The following CDIN1 variants were observed in gnomAD, a reference collection of about 807,000 sequenced individuals.
CDIN1 encodes the protein CDAN1-interacting nuclease 1.
A neutral mutation model predicts 45.3 loss-of-function variants in CDIN1; 33 were observed. The observed-to-expected ratio is 0.73, with a 90% CI of 0.55 to 0.97. The LOEUF (loss-of-function observed/expected upper bound fraction) is 0.97. Ranked by LOEUF, CDIN1 falls within the 50% of genes least tolerant of loss-of-function variation. CDIN1 has a pLI of 0.00. For synonymous variants in CDIN1, 118 were observed against 124.4 expected, an observed-to-expected ratio of 0.95 and a Z score of 0.34; for missense variants, 303 against 339.4, an observed-to-expected ratio of 0.89 and a Z score of 0.84.
chr15:36,643,511 C>T (rs1566859979), intron 1 of CDIN1, among the ~76,000 whole-genome samples: 1 of 152,176 alleles, frequency 6.6e-6, no homozygotes, highest in Non-Finnish European at 1.5e-5. Context: ...CTGTAAAGGA[C>T]AGTCGAAAAG....
At chr15:36,779,319 C>G (rs7177600) in intron 10 of CDIN1, among the ~76,000 whole-genome samples, 25,017 of 152,190 alleles carry the variant, frequency 0.16, 3,677 homozygotes, top group African/African-American at 0.4. Flanking sequence ...TATTCTCTTA[C>G]AAACATGGCA....
chr15:36,687,136 T>C (rs781622666), intron 5 of CDIN1, among the ~76,000 whole-genome samples: 21 of 151,202 alleles, frequency 1.4e-4, no homozygotes, highest in Admixed American at 9.9e-4. Flanking sequence ...AACTAGAAGG[T>C]AGGGAGAAAA....
intron 1 of CDIN1, among the ~76,000 whole-genome samples, chr15:36,625,277 T>C (rs2039372562): frequency 6.7e-6 from 1 of 150,112 alleles, no homozygotes; most frequent in African/African-American, 2.5e-5. Flanking sequence ...CGAGACCCTG[T>C]CTCAAAAAAA....
intron 5 of CDIN1, among the ~76,000 whole-genome samples, chr15:36,672,185 C>A (rs2041476365): frequency 6.6e-6 from 1 of 151,634 alleles, no homozygotes; most frequent in African/African-American, 2.4e-5. Context: ...GTTTTTTGTA[C>A]TGTTTCTTTT....
chr15:36,674,195 A>C (rs1197020424), intron 5 of CDIN1, among the ~76,000 whole-genome samples: 1 of 152,178 alleles, frequency 6.6e-6, no homozygotes. Context: ...GTGTTTGCGC[A>C]GGACGGCGAA....
chr15:36,736,924 T>C (rs2044043841), intron 10 of CDIN1, among the ~76,000 whole-genome samples: 1 of 152,100 alleles, frequency 6.6e-6, no homozygotes, highest in South Asian at 2.1e-4. Flanking sequence ...CCCAGCACTT[T>C]GGGAGGCTGA....
chr15:36,710,754 A>G (rs2043028869), intron 10 of CDIN1, among the ~76,000 whole-genome samples: 1 of 152,198 alleles, frequency 6.6e-6, no homozygotes, highest in South Asian at 2.1e-4. Context: ...TAAGAATACA[A>G]TAATAAAATG....
chr15:36,639,289 C>T (rs2040015397), intron 1 of CDIN1, among the ~76,000 whole-genome samples: 1 of 152,056 alleles, frequency 6.6e-6, no homozygotes, highest in Admixed American at 6.5e-5. Context: ...AAAAGTAACA[C>T]TACAACAACA....
intron 5 of CDIN1, among the ~76,000 whole-genome samples, chr15:36,686,572 A>G (rs895699318): frequency 8.6e-5 from 13 of 151,378 alleles, no homozygotes; most frequent in African/African-American, 2.7e-4. Context: ...TAAAAAAAAA[A>G]AAAAAGAAAA....
chr15:36,722,499 T>C (rs761453094), intron 10 of CDIN1, among the ~76,000 whole-genome samples: 1 of 152,216 alleles, frequency 6.6e-6, no homozygotes, highest in Non-Finnish European at 1.5e-5. Flanking sequence ...CTTTCTTTGG[T>C]TATCTACTGG....
At chr15:36,621,593 A>G (rs2039194734) in intron 1 of CDIN1, among the ~76,000 whole-genome samples, 1 of 152,224 alleles carries the variant, frequency 6.6e-6, no homozygotes, top group South Asian at 2.1e-4. Flanking sequence ...AAATGTATTA[A>G]TCATTGACTA....
At chr15:36,770,282 G>A (rs948319883) in intron 10 of CDIN1, among the ~76,000 whole-genome samples, 3 of 151,782 alleles carry the variant, frequency 2.0e-5, no homozygotes, top group African/African-American at 7.3e-5. Context: ...AGGAAAAAAA[G>A]GGGAGGGAGC....
At chr15:36,774,157 T>TGC (rs2054152321) in intron 10 of CDIN1, among the ~76,000 whole-genome samples, 2 of 104,570 alleles carry the variant, frequency 1.9e-5, no homozygotes, top group African/African-American at 3.0e-5. Context: ...TGTGTGTGTG[T>TGC]GTGTGTGCGC....
chr15:36,654,152 C>T lies in CDIN1; in HGVS notation c.267C>T (p.Ala89=). ...NGAAPVLLDL[A]NEVDYAPSLM... is the part of the protein sequence containing the mutation. ...CTGCCCCAGTGCTCCTGGACCTGGC[C>T]AATGAGGTAATGTTATTGTTATGAT... Residue 89 remains alanine, a synonymous_variant, in exon 4 of 11, where the codon GCC becomes GCT. Coordinates refer to ENST00000566621, the MANE Select transcript of CDIN1 (RefSeq NM_001321759.2). The T allele has an allele frequency of 6.4e-7, 1 of 1,569,390 alleles. No homozygotes were observed. The highest frequency in any genetic ancestry group is 8.7e-7 in the Non-Finnish European group (1 of 1,154,928).
chr15:36,618,459 A>G (rs770831175), intron 1 of CDIN1: 42 of 949,058 alleles, frequency 4.4e-5, no homozygotes, highest in Admixed American at 6.8e-5. Flanking sequence ...ACAAGATGTC[A>G]ATCTCAAGAC....
intron 4 of CDIN1, 85 bp from the exon 5 acceptor site, chr15:36,657,747 CT>C (rs1309987479): frequency 9.7e-7 from 1 of 1,028,034 alleles, no homozygotes; most frequent in East Asian, 2.6e-5. Flanking sequence ...TTAAAATTGA[CT>C]TATTCTTCAG....
chr15:36,703,219 A>AATATATATATCAGATATATATAT (rs1555397223), intron 8 of CDIN1, among the ~76,000 whole-genome samples: 1 of 57,364 alleles, frequency 1.7e-5, no homozygotes, highest in African/African-American at 8.0e-5. Flanking sequence ...CCCTGTCTCA[A>AATATATATATCAGATATATATAT]ATATATATAT....
chr15:36,737,788 T>C (rs2044086013), intron 10 of CDIN1, among the ~76,000 whole-genome samples: 1 of 152,222 alleles, frequency 6.6e-6, no homozygotes, highest in South Asian at 2.1e-4. Flanking sequence ...GAGCTGCTTT[T>C]TGTTTAGAAA....
intron 1 of CDIN1, among the ~76,000 whole-genome samples, chr15:36,596,771 C>G (rs2037851785): frequency 6.6e-6 from 1 of 151,752 alleles, no homozygotes; most frequent in Non-Finnish European, 1.5e-5. Flanking sequence ...CTATAAACCC[C>G]TCTTTAAAAA....
Sources: gnomAD v4.1 joint callset for allele counts (sites outside exome capture counted in the v4.1 genomes callset) on GRCh38, gnomAD v4.1.1 for gene constraint, MANE v1.5 for transcripts, NCBI Gene and HGNC (gene_info 2026-07-23, HGNC 2026-07-21) for gene names.